Variants in CRISP2 observed in about 807,000 individuals in gnomAD.
CRISP2 encodes the protein cysteine-rich secretory protein 2.
CRISP2 carries 29 observed loss-of-function variants against 31.7 expected under a neutral mutation model. The ratio of observed to expected loss-of-function variants is 0.92; its 90% CI spans 0.68 to 1.25. CRISP2 has a LOEUF of 1.25. CRISP2 is among the 50% of genes most tolerant of loss of function. The probability of loss-of-function intolerance (pLI) is 0.00; values close to 1 mark genes in which losing one functional copy is unlikely to be tolerated. For synonymous variants in CRISP2, 111 were observed against 101.4 expected (o/e 1.09, Z -0.57); for missense variants, 318 against 286.5 (o/e 1.11, Z -0.79).
the CRISP2 span, among the ~76,000 whole-genome samples, chr6:49,685,354 C>T: frequency 2.0e-5 from 3 of 152,112 alleles, no homozygotes; most frequent in African/African-American, 7.2e-5. Flanking sequence ...TGTCTATGTC[C>T]TTATTTCCTA....
intron 9 of CRISP2, among the ~76,000 whole-genome samples, chr6:49,694,247 A>AG (rs1764367132): frequency 6.6e-6 from 1 of 152,170 alleles, no homozygotes; most frequent in Admixed American, 6.5e-5. Context: ...GATGCATCTG[A>AG]AGCCCATGGA....
At chr6:49,695,203 T>C (rs1764544548) in intron 9 of CRISP2, among the ~76,000 whole-genome samples, 1 of 152,170 alleles carries the variant, frequency 6.6e-6, no homozygotes. Flanking sequence ...ATGAGATATA[T>C]GGTATTTATT....
chr6:49,709,111 A>G lies in CRISP2; in HGVS notation c.66+20T>C. On this transcript the variant is annotated intron_variant, in intron 4 of 9. Transcript: ENST00000339139. Reference sequence around the variant, plus strand: ...AAAGTTGCTGGATAGCTCTGAAAAGATTTTCCATTTTAACCTTACCTTTCC... The same window carrying G: ...AAAGTTGCTGGATAGCTCTGAAAAGGTTTTCCATTTTAACCTTACCTTTCC... 1 of 1,611,020 alleles carries G rather than the reference A, an allele frequency of 6.2e-7. No homozygotes were observed. Among genetic ancestry groups the G allele is most frequent in the Non-Finnish European group, 8.5e-7 (1 of 1,177,344 alleles).
At chr6:49,699,409 T>C (rs1010651042) in intron 6 of CRISP2, among the ~76,000 whole-genome samples, 28 of 151,998 alleles carry the variant, frequency 1.8e-4, no homozygotes, top group African/African-American at 5.3e-4. Context: ...GACAGCTACA[T>C]AAATTAACAA....
the CRISP2 span, among the ~76,000 whole-genome samples, chr6:49,677,993 C>T: frequency 1.3e-5 from 2 of 152,214 alleles, no homozygotes; most frequent in East Asian, 3.9e-4. Context: ...ATCTCTGCAA[C>T]CTCCTCTGCT....
At chr6:49,695,682 ATGTT>A (rs1235654007) in intron 9 of CRISP2, among the ~76,000 whole-genome samples, 150 bp downstream of exon 9, 1 of 152,206 alleles carries the variant, frequency 6.6e-6, no homozygotes, top group Non-Finnish European at 1.5e-5. Context: ...AGTGTGTAAA[ATGTT>A]TGTTTAAGCA....
chr6:49,711,159 A>C (rs1767941980), intron 3 of CRISP2, 126 bp downstream of exon 3: 1 of 145,656 alleles, frequency 6.9e-6, no homozygotes, highest in Non-Finnish European at 1.5e-5. Context: ...ACAAACAAAC[A>C]AACAGACAAA....
the CRISP2 span, among the ~76,000 whole-genome samples, chr6:49,686,965 A>T: frequency 6.6e-6 from 1 of 151,984 alleles, no homozygotes; most frequent in Non-Finnish European, 1.5e-5. Context: ...AAAAAACCAA[A>T]CACCGTATGT....
At chr6:49,693,000 A>T in intron 9 of CRISP2, 100 bp from the exon 10 acceptor site, 1 of 1,248,012 alleles carries the variant, frequency 8.0e-7, no homozygotes, top group Non-Finnish European at 1.1e-6. Context: ...GGGAACAAAC[A>T]AGTTAGCATC....
At chr6:49,681,546 G>T in the CRISP2 span, among the ~76,000 whole-genome samples, 2 of 152,172 alleles carry the variant, frequency 1.3e-5, no homozygotes, top group South Asian at 4.1e-4. Context: ...ATAACATATA[G>T]ATTTATAAAA....
At chr6:49,713,574 T>G (rs1487985081), upstream of CRISP2, 2 of 152,234 alleles carry the variant, frequency 1.3e-5, no homozygotes, top group African/African-American at 2.4e-5. Context: ...ATTGTTCACT[T>G]GCCAGGCGCC....
the CRISP2 span, among the ~76,000 whole-genome samples, chr6:49,681,472 A>G: frequency 9.2e-5 from 14 of 152,180 alleles, no homozygotes; most frequent in African/African-American, 3.1e-4. Context: ...ATATTAGTAT[A>G]TAGACCCACA....
chr6:49,681,608 G>C, the CRISP2 span, among the ~76,000 whole-genome samples: 1 of 152,100 alleles, frequency 6.6e-6, no homozygotes, highest in South Asian at 2.1e-4. Context: ...AACAAATTTA[G>C]TGTAGCAAAT....
chr6:49,696,030 T>C (rs1764679420), intron 8 of CRISP2, 106 bp from the exon 9 acceptor site: 2 of 631,410 alleles, frequency 3.2e-6, no homozygotes, highest in African/African-American at 1.9e-5. Context: ...GTTTTTAGTA[T>C]GTTAACAAAA....
chr6:49,701,517 TATATATATACACACAC>T lies in CRISP2; in HGVS notation c.67-749_67-734del, dbSNP rs1245193414. On this transcript the variant is annotated intron_variant, in intron 4 of 9. Transcript: ENST00000339139. ...GTGTGTGTGTATATATATATATATA[TATATATATACACACAC>T]ACACACACACAGTATATATATATGG... 1.2e-3 allele frequency among the ~76,000 whole-genome samples: 160 copies of T among 129,152 alleles called. 6 individuals are homozygous for T. The highest frequency in any genetic ancestry group is 4.6e-3 in the African/African-American group (147 of 31,976). 84.7% of individuals were successfully genotyped at this position (129,152 alleles called of 152,430 possible). A position where few individuals can be genotyped will look rare whatever the true frequency, so the allele number is the denominator to read the frequency against.
chr6:49,707,237 C>T (rs997639798), intron 4 of CRISP2, among the ~76,000 whole-genome samples: 1 of 152,010 alleles, frequency 6.6e-6, no homozygotes, highest in East Asian at 1.9e-4. Flanking sequence ...AGTGACGTGA[C>T]ATAAGTAAAA....
downstream of CRISP2, among the ~76,000 whole-genome samples, chr6:49,689,466 T>C (rs1561854717): frequency 6.6e-6 from 1 of 152,144 alleles, no homozygotes; most frequent in African/African-American, 2.4e-5. Context: ...GATAATAACA[T>C]TGTTTATTAA....
At chr6:49,692,183 T>A (rs1480917764), downstream of CRISP2, among the ~76,000 whole-genome samples, 1 of 152,184 alleles carries the variant, frequency 6.6e-6, no homozygotes, top group Admixed American at 6.5e-5. Context: ...TTTAACTTTA[T>A]AGACAACTAT....
downstream of CRISP2, among the ~76,000 whole-genome samples, chr6:49,688,429 C>CT (rs991077920): frequency 1.3e-4 from 19 of 150,478 alleles, no homozygotes; most frequent in Non-Finnish European, 1.3e-4. Context: ...AATAAAAATG[C>CT]TTTTTTTTTC....
Sources: allele counts gnomAD v4.1 joint callset (sites outside exome capture counted in the v4.1 genomes callset), GRCh38; gene constraint gnomAD v4.1.1; transcripts MANE v1.5; gene names NCBI Gene and HGNC (gene_info 2026-07-23, HGNC 2026-07-21).